The following NVL variants were observed in gnomAD, a reference collection of about 807,000 sequenced individuals.
NVL encodes nuclear valosin-containing protein-like.
NVL carries 84 observed loss-of-function variants against 110.2 expected under a neutral mutation model. The observed-to-expected ratio is 0.76, with a 90% confidence interval of 0.64 to 0.91. NVL has a LOEUF of 0.91. Among genes scored for constraint, NVL ranks in the 40% least tolerant of loss-of-function variants. NVL has a pLI of 0.00. For synonymous variants in NVL, 354 were observed against 361.1 expected (o/e 0.98, Z 0.22); for missense variants, 882 against 1,035.9 (o/e 0.85, Z 2.04).
intron 18 of NVL, among the ~76,000 whole-genome samples, chr1:224,259,349 C>A (rs1018976355): frequency 1.3e-5 from 2 of 152,112 alleles, no homozygotes; most frequent in African/African-American, 4.8e-5. Flanking sequence ...CCTCAGCCTC[C>A]CAAAGTGCTG....
intron 18 of NVL, among the ~76,000 whole-genome samples, chr1:224,258,691 C>T (rs148210246): frequency 9.9e-5 from 15 of 151,948 alleles, no homozygotes; most frequent in African/African-American, 2.7e-4. Context: ...ATCCATACAA[C>T]GGGATATTAT....
At chr1:224,269,392 A>C (rs186530744) in intron 17 of NVL, among the ~76,000 whole-genome samples, 5 of 152,234 alleles carry the variant, frequency 3.3e-5, no homozygotes, top group Admixed American at 3.3e-4. Context: ...GGACGACACT[A>C]ATGTTAATAA....
At chr1:224,308,520 G>A (rs372681873) in intron 5 of NVL, among the ~76,000 whole-genome samples, 1 of 151,364 alleles carries the variant, frequency 6.6e-6, no homozygotes, top group Non-Finnish European at 1.5e-5. Context: ...GTGTAACACC[G>A]TCTCTAGTAA....
rs954322746 is a variant in NVL at position 224,255,253 on chromosome 1, G to A, written c.2183-4935C>T. Among the ~76,000 whole-genome samples the A allele has an allele frequency of 6.7e-5, 9 of 133,784 alleles. No individual in the cohort carries two copies. In the East Asian group the frequency reaches 1.2e-3, roughly 17 times the overall value. The allele number at this position is 133,784 out of a possible 152,430, so 87.8% of individuals were successfully genotyped here. A position where few individuals can be genotyped will look rare whatever the true frequency, so the allele number is the denominator to read the frequency against. On this transcript the variant is annotated intron_variant, in intron 18 of 22. Transcript: ENST00000281701. ...CGTCCAGGCTGGAATGCAGTGGTGCGATCTTGGCTCACGGCAAGCTCCACC... is the reference window on the plus strand; with the variant it reads ...CGTCCAGGCTGGAATGCAGTGGTGCAATCTTGGCTCACGGCAAGCTCCACC...
At chr1:224,241,171 T>C (rs1162758217) in intron 19 of NVL, among the ~76,000 whole-genome samples, 1 of 152,212 alleles carries the variant, frequency 6.6e-6, no homozygotes, top group Non-Finnish European at 1.5e-5. Flanking sequence ...ACTTTCTAAT[T>C]AGTAGAAATA....
chr1:224,295,077 T>A (rs1667745731), intron 11 of NVL, among the ~76,000 whole-genome samples: 1 of 152,242 alleles, frequency 6.6e-6, no homozygotes, highest in African/African-American at 2.4e-5. Context: ...CTTTCCTAAG[T>A]ATTATTTCTC....
rs140414159 is a variant in NVL, at chr1:224,243,203, G to T, written c.2290-6621C>A. 3.2e-3 allele frequency among the ~76,000 whole-genome samples: 492 copies of T among 151,850 alleles called. 6 individuals carry two copies. The highest frequency in any genetic ancestry group is 0.01 in the Admixed American group (153 of 15,196). ...GGGCCGGGTGTAGTGGCTCAGTCTT[G>T]TAACCCTCTACCTTGGGAGGCTGAG... On this transcript the variant is annotated intron_variant, in intron 19 of 22. Transcript: ENST00000281701.
chr1:224,322,825 G>A (rs2102791772), intron 2 of NVL, among the ~76,000 whole-genome samples: 1 of 152,230 alleles, frequency 6.6e-6, no homozygotes, highest in East Asian at 1.9e-4. Context: ...ATGGTGGCGT[G>A]CACCCGTAGT....
chr1:224,289,890 T>C (rs1184657417), intron 12 of NVL, among the ~76,000 whole-genome samples, 157 bp from the exon 13 acceptor site: 1 of 152,242 alleles, frequency 6.6e-6, no homozygotes, highest in Non-Finnish European at 1.5e-5. Context: ...AACGCTGTCA[T>C]TATTACATGT....
At chr1:224,235,971 A>AG (rs1364485408) in intron 20 of NVL, among the ~76,000 whole-genome samples, 1 of 151,696 alleles carries the variant, frequency 6.6e-6, no homozygotes, top group Non-Finnish European at 1.5e-5. Flanking sequence ...AAAAAGCCGG[A>AG]GGGGGCATTG....
intron 2 of NVL, among the ~76,000 whole-genome samples, chr1:224,318,463 A>G (rs1209826199): frequency 4.6e-5 from 7 of 152,000 alleles, no homozygotes; most frequent in Admixed American, 4.6e-4. Flanking sequence ...TTAGCCAGGT[A>G]TGGTAGTACG....
Position 224,304,779 on chromosome 1 carries a change from T to C in NVL, c.782A>G (p.Asn261Ser), listed in dbSNP as rs1298274863. The C allele has an allele frequency of 3.1e-6, 5 of 1,614,116 alleles. No individual in the cohort carries two copies. The highest frequency in any genetic ancestry group is 4.2e-6 in the Non-Finnish European group (5 of 1,179,978). ...GCCTCCCACATCTTCAAACTTCACGTTGGAGATCTGGAATTCTAACCCCCT... is the reference window on the plus strand; with the variant it reads ...GCCTCCCACATCTTCAAACTTCACGCTGGAGATCTGGAATTCTAACCCCCT... ...KARGLEFQIS[N>S]VKFEDVGGND... Residue 261 changes from asparagine to serine, a missense_variant, in exon 8 of 23, where the codon AAC (asparagine) becomes AGC (serine). Coordinates refer to ENST00000281701, the MANE Select transcript of NVL (RefSeq NM_002533.4).
chr1:224,262,914 T>A (rs1159589228), intron 18 of NVL, among the ~76,000 whole-genome samples: 1 of 152,044 alleles, frequency 6.6e-6, no homozygotes, highest in Non-Finnish European at 1.5e-5. Flanking sequence ...TATATTACAA[T>A]ACTGGGAGAA....
chr1:224,244,762 ACTGCAATCC>A (rs919811416), intron 19 of NVL, among the ~76,000 whole-genome samples: 2 of 150,828 alleles, frequency 1.3e-5, no homozygotes, highest in Admixed American at 1.3e-4. Context: ...ATCTCGGCTC[ACTGCAATCC>A]CTGCCTCTTG....
rs909619431 is a variant in NVL, at chr1:224,288,093, C to T, written c.1576-100G>A. 19 of 823,024 alleles carry T rather than the reference C, an allele frequency of 2.3e-5. 1 individual carries two copies. Among genetic ancestry groups the T allele is most frequent in the South Asian group, 8.4e-5 (5 of 59,498 alleles). The allele number at this position is 823,024 out of a possible 1,614,324, so 51.0% of individuals were successfully genotyped here. Reference sequence around the variant, plus strand: ...GTAAAAATTATTACTGTAATATTTCCGTAAGCTATCCTGAACGTCTATGTA... The same window carrying T: ...GTAAAAATTATTACTGTAATATTTCTGTAAGCTATCCTGAACGTCTATGTA... On this transcript the variant is annotated intron_variant, in intron 13 of 22. Transcript: ENST00000281701.
chr1:224,256,356 C>T lies in NVL; in HGVS notation c.2183-6038G>A, dbSNP rs192333256. 3.9e-3 allele frequency among the ~76,000 whole-genome samples: 538 copies of T among 136,962 alleles called. 4 individuals are homozygous for T. Among genetic ancestry groups the T allele is most frequent in the African/African-American group, 0.013 (501 of 37,368 alleles). The allele number at this position is 136,962 out of a possible 152,430, so 89.9% of individuals were successfully genotyped here. On this transcript the variant is annotated intron_variant, in intron 18 of 22. Transcript: ENST00000281701. ...AGGAGAATCGCTTGAACCTGGGAAG[C>T]GGAGGTTGCAGTGAGCCAAGATCGT...
chr1:224,281,321 GA>G, intron 15 of NVL, 136 bp from the exon 16 acceptor site: 4 of 679,598 alleles, frequency 5.9e-6, no homozygotes, highest in South Asian at 3.5e-5. Flanking sequence ...GTGAGATTTA[GA>G]TGGAGTCTTG....
At chr1:224,307,568 C>G (rs959558894) in intron 6 of NVL, among the ~76,000 whole-genome samples, 2 of 152,016 alleles carry the variant, frequency 1.3e-5, no homozygotes, top group African/African-American at 4.8e-5. Context: ...GGTGTGGTGG[C>G]ACATGCCTGT....
At chr1:224,303,631 C>T in intron 9 of NVL, 92 bp downstream of exon 9, 1 of 1,326,260 alleles carries the variant, frequency 7.5e-7, no homozygotes. Context: ...CTGAAGAATG[C>T]CATGTCTGGT....
Sources: allele counts gnomAD v4.1 joint callset (sites outside exome capture counted in the v4.1 genomes callset), GRCh38; gene constraint gnomAD v4.1.1; transcripts MANE v1.5; gene names NCBI Gene and HGNC (gene_info 2026-07-23, HGNC 2026-07-21).